ARHGEF10L: variants seen among roughly 807,000 people sequenced by gnomAD.
The protein encoded by ARHGEF10L is rho guanine nucleotide exchange factor 10-like protein.
ARHGEF10L carries 69 observed loss-of-function variants against 141.2 expected under a neutral mutation model. That is an observed-to-expected ratio of 0.49 (90% CI 0.40 to 0.60). ARHGEF10L has a LOEUF of 0.60. Ranked by LOEUF, ARHGEF10L falls within the 20% of genes least tolerant of loss-of-function variation. ARHGEF10L has a pLI of 0.00. For synonymous variants in ARHGEF10L, 711 were observed against 718.5 expected (o/e 0.99, Z 0.17); for missense variants, 1,482 against 1,734.3 (o/e 0.85, Z 2.58).
rs893943926 is a variant in ARHGEF10L, at chr1:17,607,565, C to T, written c.434-237C>T. On this transcript the variant is annotated intron_variant, in intron 6 of 28. Coordinates refer to ENST00000361221, the MANE Select transcript of ARHGEF10L (RefSeq NM_018125.4). This position sits in a 1 kb window ranked among gnomAD's most constrained non-coding sequence, Gnocchi z 4.5. ...AAAAGGAAGTGAGCGGGCTTGTGCA[C>T]GTCTGACCCATTTCTTGGGTTTTCC... Among the ~76,000 whole-genome samples the T allele has an allele frequency of 7.2e-5, 11 of 152,230 alleles. No individual in the cohort carries two copies. Among genetic ancestry groups the T allele is most frequent in the East Asian group, 1.9e-4 (1 of 5,186 alleles).
At chr1:17,652,189 A>G (rs1170061829) in intron 22 of ARHGEF10L, among the ~76,000 whole-genome samples, 1 of 152,142 alleles carries the variant, frequency 6.6e-6, no homozygotes, top group African/African-American at 2.4e-5. Flanking sequence ...ACTCTGTACC[A>G]GTGGATGAGG....
At chr1:17,566,807 C>T (rs912359103) in intron 1 of ARHGEF10L, among the ~76,000 whole-genome samples, 4 of 152,184 alleles carry the variant, frequency 2.6e-5, no homozygotes, top group African/African-American at 9.7e-5. Context: ...ATCAGCAAAC[C>T]CCATAACCTC....
the ARHGEF10L span, among the ~76,000 whole-genome samples, chr1:17,513,803 C>T: frequency 1.3e-5 from 2 of 152,010 alleles, no homozygotes; most frequent in African/African-American, 4.8e-5. Context: ...TTCTTTTTTT[C>T]TCTTTCTTTT....
chr1:17,608,261 A>G (rs1346041019), intron 7 of ARHGEF10L, among the ~76,000 whole-genome samples: 1 of 152,216 alleles, frequency 6.6e-6, no homozygotes, highest in South Asian at 2.1e-4. Flanking sequence ...GACCTGGTCA[A>G]TTGATCCTGA....
intron 9 of ARHGEF10L, among the ~76,000 whole-genome samples, chr1:17,618,789 G>T (rs1006976184): frequency 5.9e-5 from 9 of 152,158 alleles, no homozygotes. Context: ...TCCGTCCTCC[G>T]TCTGAGGTCC....
In ARHGEF10L at chr1:17,696,924, T is replaced by C. The variant is rs1335454671; in HGVS notation, c.3384T>C (p.Pro1128=). 1.9e-6 allele frequency: 3 copies of C among 1,610,642 alleles called. No individual in the cohort carries two copies. Among genetic ancestry groups the C allele is most frequent in the Non-Finnish European group, 2.5e-6 (3 of 1,178,494 alleles). Residue 1128 remains proline (P), a synonymous_variant, in exon 29 of 29, where the codon CCT becomes CCC. Coordinates refer to ENST00000361221, the MANE Select transcript of ARHGEF10L (RefSeq NM_018125.4). ...CTGTGGCTACCAGCATCCTGGCCCC[T>C]GACATCCTGCGGAGTGACCAGGAGG... ...FLAVATSILA[P]DILRSDQEEA...
At chr1:17,520,526 C>T in the ARHGEF10L span, among the ~76,000 whole-genome samples, 11 of 152,138 alleles carry the variant, frequency 7.2e-5, no homozygotes, top group Admixed American at 4.6e-4. Context: ...TTTTGGAGGT[C>T]GTGGGGGAGG....
At chr1:17,646,667 A>G (rs1046033118) in intron 21 of ARHGEF10L, among the ~76,000 whole-genome samples, 1 of 152,106 alleles carries the variant, frequency 6.6e-6, no homozygotes, top group Admixed American at 6.5e-5. Context: ...ATACCCTCCA[A>G]TGGGCTGAGA....
chr1:17,644,558 C>T lies in ARHGEF10L; in HGVS notation c.2273-3996C>T, dbSNP rs904339578. On this transcript the variant is annotated intron_variant, in intron 21 of 28. Coordinates refer to ENST00000361221, the MANE Select transcript of ARHGEF10L (RefSeq NM_018125.4). The surrounding 1 kb of genome is among the most constrained non-coding windows in gnomAD (Gnocchi z 4.5). ...AGGGGACAGGTGGTTGGATGAGATGCCTGCTGAGGTCCAGCCCAGCCTGAC... is the reference window on the plus strand; with the variant it reads ...AGGGGACAGGTGGTTGGATGAGATGTCTGCTGAGGTCCAGCCCAGCCTGAC... Among the ~76,000 whole-genome samples the T allele has an allele frequency of 6.6e-6, 1 of 152,232 alleles. No individual in the cohort carries two copies. The highest frequency in any genetic ancestry group is 1.5e-5 in the Non-Finnish European group (1 of 68,044).
intron 11 of ARHGEF10L, 140 bp downstream of exon 11, chr1:17,622,081 G>C (rs531288438): frequency 6.4e-6 from 5 of 786,846 alleles, no homozygotes; most frequent in Admixed American, 4.6e-5. Flanking sequence ...TATGGGGACA[G>C]TAGAACCTCC....
rs751577353 is a variant in ARHGEF10L at position 17,656,744 on chromosome 1, C to T, written c.2860+36C>T. ...GGGGGAATGGGGGAAGGGGGGCAGTCCTGGATGCCAGCTGGGTGCCAGATT... is the reference window on the plus strand; with the variant it reads ...GGGGGAATGGGGGAAGGGGGGCAGTTCTGGATGCCAGCTGGGTGCCAGATT... On this transcript the variant is annotated intron_variant, in intron 25 of 28. Transcript: ENST00000361221. The surrounding 1 kb of genome is among the most constrained non-coding windows in gnomAD (Gnocchi z 4.9). The T allele has an allele frequency of 5.0e-6, 8 of 1,588,442 alleles. No homozygotes were observed. The highest frequency in any genetic ancestry group is 4.5e-5 in the East Asian group (2 of 44,300).
rs1193999735 is a variant in ARHGEF10L, at chr1:17,588,457, G to T, written c.235G>T (p.Ala79Ser). The change falls in exon 4 of 29, where the codon GCA becomes TCA. Residue 79 changes from alanine (A) to serine (S), a missense_variant. By Grantham distance (99) the Ala-to-Ser change is moderately conservative (BLOSUM62 1). Transcript: ENST00000361221. ...CTCTTCTTTTGCAGACCCAGACCCA[G>T]CAGCTGCTCCACCCGGCACAGGGTA... ...DSIPVTDPDP[A>S]AAPPGTGVPA... 3.7e-6 allele frequency: 6 copies of T among 1,613,952 alleles called. No individual in the cohort carries two copies. The highest frequency in any genetic ancestry group is 5.1e-6 in the Non-Finnish European group (6 of 1,179,978).
At chr1:17,561,315 G>A (rs1392699806) in intron 1 of ARHGEF10L, among the ~76,000 whole-genome samples, 1 of 152,204 alleles carries the variant, frequency 6.6e-6, no homozygotes, top group Non-Finnish European at 1.5e-5. Flanking sequence ...GTCTCTCACG[G>A]TTCTGTGGGC....
chr1:17,654,692 C>T lies in ARHGEF10L; in HGVS notation c.2451C>T (p.Val817=). Residue 817 remains valine, a synonymous_variant, in exon 23 of 29, where the codon GTC becomes GTT. Coordinates refer to ENST00000361221, the MANE Select transcript of ARHGEF10L (RefSeq NM_018125.4). The surrounding 1 kb of genome is among the most constrained non-coding windows in gnomAD (Gnocchi z 4.3). The part of the protein sequence containing the change: ...VNCPLLGFSA[V]STSLPQGYLW... ...GTCCCCTGCTGGGTTTCTCAGCAGT[C>T]AGCACCTCCCTTCCACAGGGCTACC... 1 of 1,614,210 alleles carries T rather than the reference C, an allele frequency of 6.2e-7. No individual in the cohort carries two copies. Among genetic ancestry groups the T allele is most frequent in the Non-Finnish European group, 8.5e-7 (1 of 1,180,050 alleles).
chr1:17,590,988 AAAAC>A lies in ARHGEF10L; in HGVS notation c.257+2521_257+2524del, dbSNP rs567942256. ...TGTGACAAAGCGATACTCTGTCTCA[AAAAC>A]AAACAAACAAAGAAACAAAACCAAC... On this transcript the variant is annotated intron_variant, in intron 4 of 28. Coordinates refer to ENST00000361221, the MANE Select transcript of ARHGEF10L (RefSeq NM_018125.4). Among the ~76,000 whole-genome samples, 19 of 152,326 alleles carry A rather than the reference AAAAC, an allele frequency of 1.2e-4. No homozygotes were observed. The South Asian group carries it at 3.1e-3, about 25-fold the overall frequency.
the ARHGEF10L span, among the ~76,000 whole-genome samples, chr1:17,521,459 G>C: frequency 1.3e-5 from 2 of 152,228 alleles, no homozygotes; most frequent in African/African-American, 4.8e-5. Flanking sequence ...GCCTCCCAAA[G>C]TGCTGGGATT....
chr1:17,530,347 T>C, the ARHGEF10L span, among the ~76,000 whole-genome samples: 1 of 152,112 alleles, frequency 6.6e-6, no homozygotes, highest in East Asian at 1.9e-4. Context: ...TGTGGGACAA[T>C]GGGTAAGACA....
At chr1:17,564,528 T>C (rs1226770536) in intron 1 of ARHGEF10L, among the ~76,000 whole-genome samples, 2 of 152,166 alleles carry the variant, frequency 1.3e-5, no homozygotes, top group African/African-American at 2.4e-5. Flanking sequence ...CCCAGCTGAC[T>C]GGTGGCTGGC....
intron 25 of ARHGEF10L, among the ~76,000 whole-genome samples, chr1:17,658,393 A>G (rs1251424014): frequency 6.6e-6 from 1 of 152,074 alleles, no homozygotes; most frequent in Non-Finnish European, 1.5e-5. Context: ...GTCAGGACCA[A>G]AAGAGCCACT....
Sources: gnomAD v4.1 joint callset for allele counts (sites outside exome capture counted in the v4.1 genomes callset) on GRCh38, gnomAD v4.1.1 for gene constraint, Gnocchi (gnomAD v3.1) non-coding constraint, MANE v1.5 for transcripts, NCBI Gene and HGNC (gene_info 2026-07-23, HGNC 2026-07-21) for gene names.